Variants in ABLIM2 observed in about 807,000 individuals in gnomAD.
ABLIM2 encodes the protein actin-binding LIM protein 2.
A neutral mutation model predicts 97.7 loss-of-function variants in ABLIM2; 53 were observed. The observed-to-expected ratio is 0.54, with a 90% confidence interval of 0.44 to 0.68. The LOEUF (loss-of-function observed/expected upper bound fraction) is 0.68. ABLIM2 is among the 30% of genes least tolerant of loss of function. The pLI is 0.00. For missense variants in ABLIM2, 835 were observed against 867.2 expected (o/e 0.96, Z 0.47); for synonymous variants, 361 against 345.8 (o/e 1.04, Z -0.49).
At chr4:7,968,433 G>A (rs1724789886) in intron 20 of ABLIM2, among the ~76,000 whole-genome samples, 1 of 152,234 alleles carries the variant, frequency 6.6e-6, no homozygotes, top group Non-Finnish European at 1.5e-5. Context: ...CAAACCAGGT[G>A]TCCATCAATG....
rs1389905317 is a variant in ABLIM2 at position 8,061,440 on chromosome 4, GA to G, written c.676-387del. Among the ~76,000 whole-genome samples, 1 of 151,986 alleles carries G rather than the reference GA, an allele frequency of 6.6e-6. No individual in the cohort carries two copies. The highest frequency in any genetic ancestry group is 1.5e-5 in the Non-Finnish European group (1 of 67,970). ...AAGAAAAGGGGAGAGGGAGGGGAGG[GA>G]AAGATAATATGATTTCCCTAGGTGC... On this transcript the variant is annotated intron_variant, in intron 6 of 20. Coordinates refer to ENST00000447017, the MANE Select transcript of ABLIM2 (RefSeq NM_001130083.2). This position sits in a 1 kb window ranked among gnomAD's most constrained non-coding sequence, Gnocchi z 4.5.
rs1840719057 is a variant in ABLIM2 at position 8,112,270 on chromosome 4, C to T, written c.11-5633G>A. Among the ~76,000 whole-genome samples the T allele has an allele frequency of 6.6e-6, 1 of 152,234 alleles. No homozygotes were observed. Among genetic ancestry groups the T allele is most frequent in the South Asian group, 2.1e-4 (1 of 4,830 alleles). On this transcript the variant is annotated intron_variant, in intron 1 of 20. Coordinates refer to ENST00000447017, the MANE Select transcript of ABLIM2 (RefSeq NM_001130083.2). This position sits in a 1 kb window ranked among gnomAD's most constrained non-coding sequence, Gnocchi z 4.2. ...GAACTCCTGGTCTGCCACCAGCCAG[C>T]CAGAATGGGAGCCAGCAGGGTCCGG...
At chr4:7,981,929 G>T (rs1713896634) in intron 20 of ABLIM2, among the ~76,000 whole-genome samples, 1 of 152,178 alleles carries the variant, frequency 6.6e-6, no homozygotes, top group Admixed American at 6.5e-5. Flanking sequence ...TGTAGCACCT[G>T]CTCCCTGCCA....
intron 3 of ABLIM2, among the ~76,000 whole-genome samples, chr4:8,091,545 AT>A (rs1561331291): frequency 4.2e-5 from 2 of 47,068 alleles, no homozygotes; most frequent in Non-Finnish European, 6.1e-5. Context: ...ATTATATATA[AT>A]ATTTATAATT....
At position 7,986,413 on chromosome 4, in the gene ABLIM2, A is replaced by G. The variant is rs1034791072; in HGVS notation, c.1681-1520T>C. On this transcript the variant is annotated intron_variant, in intron 17 of 20. Coordinates refer to ENST00000447017, the MANE Select transcript of ABLIM2 (RefSeq NM_001130083.2). This position sits in a 1 kb window ranked among gnomAD's most constrained non-coding sequence, Gnocchi z 4.3. ...TGCAGAGCTGGAGTCAGAGGGCTAG[A>G]GTCAGGCTCACGAGTGGGGTAAGCA... Among the ~76,000 whole-genome samples, 4 of 152,210 alleles carry G rather than the reference A, an allele frequency of 2.6e-5. No individual in the cohort carries two copies. The highest frequency in any genetic ancestry group is 9.6e-5 in the African/African-American group (4 of 41,458).
intron 5 of ABLIM2, among the ~76,000 whole-genome samples, 191 bp from the exon 6 acceptor site, chr4:8,077,912 G>A (rs1410734923): frequency 7.9e-5 from 12 of 152,244 alleles, no homozygotes; most frequent in Non-Finnish European, 1.5e-5. Flanking sequence ...GAAATATGAT[G>A]ACAATGGTCC....
intron 1 of ABLIM2, among the ~76,000 whole-genome samples, chr4:8,114,459 T>G (rs1043177512): frequency 6.6e-6 from 1 of 152,198 alleles, no homozygotes; most frequent in African/African-American, 2.4e-5. Context: ...TCCCTCAGGT[T>G]CTCACTTTAT....
At chr4:8,145,745 TACACACACACACACACACACACACAC>T (rs34195989) in intron 1 of ABLIM2, among the ~76,000 whole-genome samples, 6 of 138,576 alleles carry the variant, frequency 4.3e-5, no homozygotes, top group Non-Finnish European at 7.8e-5. Context: ...TACACACTCA[TACACACACACACACACACACACACAC>T]ACACACACAC....
At chr4:8,052,550 T>G (rs1435580364) in intron 8 of ABLIM2, among the ~76,000 whole-genome samples, 1 of 152,218 alleles carries the variant, frequency 6.6e-6, no homozygotes, top group East Asian at 1.9e-4. Context: ...AAGGGCAGAC[T>G]TCCCCTGGGA....
At position 8,040,768 on chromosome 4, in the gene ABLIM2, C is replaced by T. The variant is rs143743798; in HGVS notation, c.900+4396G>A. 1.5e-3 allele frequency among the ~76,000 whole-genome samples: 227 copies of T among 152,314 alleles called. 1 individual carries two copies. The East Asian group carries it at 0.018, about 12-fold the overall frequency. On this transcript the variant is annotated intron_variant, in intron 9 of 20. Coordinates refer to ENST00000447017, the MANE Select transcript of ABLIM2 (RefSeq NM_001130083.2). ...AGGTGGGAGAGAGAGCAGGGCTGTTCGGGCTTCTGGCCTGTCTGGCCCCTG... is the reference window on the plus strand; with the variant it reads ...AGGTGGGAGAGAGAGCAGGGCTGTTTGGGCTTCTGGCCTGTCTGGCCCCTG...
In ABLIM2 at chr4:8,080,919, C is replaced by T. The variant is rs937498565; in HGVS notation, c.455-117G>A. 3.5e-4 allele frequency: 457 copies of T among 1,308,334 alleles called. 2 individuals are homozygous for T. The highest frequency in any genetic ancestry group is 1.6e-4 in the Non-Finnish European group (154 of 959,804). The allele number at this position is 1,308,334 out of a possible 1,614,324, so 81.0% of individuals were successfully genotyped here. ...GGGCAGCCGGGAGGGGCGGGACAGA[C>T]CAGCAGCCACAGCGAGTGTGCTTGG... On this transcript the variant is annotated intron_variant, in intron 4 of 20. Coordinates refer to ENST00000447017, the MANE Select transcript of ABLIM2 (RefSeq NM_001130083.2).
intron 11 of ABLIM2, 43 bp from the exon 12 acceptor site, chr4:8,027,900 C>T: frequency 1.4e-6 from 2 of 1,414,872 alleles, no homozygotes; most frequent in East Asian, 2.6e-5. Context: ...CCTGGGCTGG[C>T]TGGTGCAACG....
At position 8,071,176 on chromosome 4, in the gene ABLIM2, C is replaced by T. The variant is rs1040445549; in HGVS notation, c.675+6452G>A. ...CTCCCTCTGTGGGGGCAGCGCCATC[C>T]GTCCCCAGCAGCTGGCTCTGCCACA... On this transcript the variant is annotated intron_variant, in intron 6 of 20. Coordinates refer to ENST00000447017, the MANE Select transcript of ABLIM2 (RefSeq NM_001130083.2). This position sits in a 1 kb window ranked among gnomAD's most constrained non-coding sequence, Gnocchi z 6.2. Among the ~76,000 whole-genome samples the T allele has an allele frequency of 2.0e-5, 3 of 152,136 alleles. No homozygotes were observed. The highest frequency in any genetic ancestry group is 4.8e-5 in the African/African-American group (2 of 41,416).
chr4:8,127,628 G>A lies in ABLIM2; in HGVS notation c.11-20991C>T. 1 of 1,288,930 alleles carries A rather than the reference G, an allele frequency of 7.8e-7. No individual in the cohort carries two copies. Among genetic ancestry groups the A allele is most frequent in the East Asian group, 5.6e-5 (1 of 18,006 alleles). 79.8% of individuals were successfully genotyped at this position (1,288,930 alleles called of 1,614,324 possible). A position where few individuals can be genotyped will look rare whatever the true frequency, so the allele number is the denominator to read the frequency against. On this transcript the variant is annotated intron_variant, in intron 1 of 20. Coordinates refer to ENST00000447017, the MANE Select transcript of ABLIM2 (RefSeq NM_001130083.2). This position sits in a 1 kb window ranked among gnomAD's most constrained non-coding sequence, Gnocchi z 7.3. ...TCGGCGGCTCTCCCTCTGCGTGGCT[G>A]GGCCTGGCACCCACGGAGGATCGGG...
intron 12 of ABLIM2, among the ~76,000 whole-genome samples, chr4:8,026,000 C>T (rs572786602): frequency 2.0e-5 from 3 of 152,150 alleles, no homozygotes; most frequent in East Asian, 1.9e-4. Context: ...CCCTTTCTGG[C>T]TTTGCTTGTT....
At chr4:7,995,416 C>T (rs1371504932) in intron 16 of ABLIM2, among the ~76,000 whole-genome samples, 1 of 152,236 alleles carries the variant, frequency 6.6e-6, no homozygotes, top group Non-Finnish European at 1.5e-5. Flanking sequence ...GTAGCAAGGA[C>T]CATGCCTCCA....
intron 1 of ABLIM2, among the ~76,000 whole-genome samples, chr4:8,138,247 T>G (rs1208368667): frequency 6.6e-6 from 1 of 152,198 alleles, no homozygotes; most frequent in Non-Finnish European, 1.5e-5. Context: ...TGATGATGGC[T>G]ACATCATCAT....
intron 2 of ABLIM2, among the ~76,000 whole-genome samples, chr4:8,103,515 TCTAA>T (rs1835692442): frequency 6.6e-6 from 1 of 152,204 alleles, no homozygotes; most frequent in African/African-American, 2.4e-5. Flanking sequence ...AGAGTGAGAC[TCTAA>T]CTGGCTGTGG....
chr4:8,069,340 G>A lies in ABLIM2; in HGVS notation c.676-8286C>T, dbSNP rs1002544985. ...AGAGAACTTGACTAAGTTTGGGAAAGGCTAGGGCAGAATCCCGCCTGTGGA... is the reference window on the plus strand; with the variant it reads ...AGAGAACTTGACTAAGTTTGGGAAAAGCTAGGGCAGAATCCCGCCTGTGGA... On this transcript the variant is annotated intron_variant, in intron 6 of 20. Coordinates refer to ENST00000447017, the MANE Select transcript of ABLIM2 (RefSeq NM_001130083.2). The surrounding 1 kb of genome is among the most constrained non-coding windows in gnomAD (Gnocchi z 4.2). Among the ~76,000 whole-genome samples, 2 of 152,260 alleles carry A rather than the reference G, an allele frequency of 1.3e-5. No individual in the cohort carries two copies. The highest frequency in any genetic ancestry group is 2.9e-5 in the Non-Finnish European group (2 of 68,050).
Sources: allele counts gnomAD v4.1 joint callset (sites outside exome capture counted in the v4.1 genomes callset), GRCh38; gene constraint gnomAD v4.1.1; non-coding constraint Gnocchi (gnomAD v3.1); transcripts MANE v1.5; gene names NCBI Gene and HGNC (gene_info 2026-07-23, HGNC 2026-07-21).